PTPRM: variants seen among roughly 807,000 people sequenced by gnomAD.
The protein encoded by PTPRM is protein tyrosine phosphatase receptor type M.
In PTPRM, 47 loss-of-function variants were observed where a neutral mutation model predicts 186.7. The observed-to-expected ratio is 0.25, with a 90% CI of 0.20 to 0.32. The LOEUF (loss-of-function observed/expected upper bound fraction) is 0.32, where lower values mean the gene tolerates loss of function less well. Among genes scored for constraint, PTPRM ranks in the 10% least tolerant of loss-of-function variants. The pLI is 1.00. For missense variants in PTPRM, 1,494 were observed against 1,865.0 expected, an observed-to-expected ratio of 0.80 and a Z score of 3.66; for synonymous variants, 668 against 674.9, an observed-to-expected ratio of 0.99 and a Z score of 0.16.
At chr18:7,782,205 G>A (rs982635051) in intron 2 of PTPRM, among the ~76,000 whole-genome samples, 3 of 152,132 alleles carry the variant, frequency 2.0e-5, no homozygotes, top group African/African-American at 4.8e-5. Flanking sequence ...TTTTCCATGT[G>A]CGTGGACACC....
chr18:7,977,815 C>T (rs1205054476), intron 7 of PTPRM, among the ~76,000 whole-genome samples: 2 of 152,174 alleles, frequency 1.3e-5, no homozygotes, highest in Non-Finnish European at 1.5e-5. Flanking sequence ...GTCTCTGGCC[C>T]AGGAGTCTCC....
At chr18:7,863,880 A>G (rs117807033) in intron 2 of PTPRM, among the ~76,000 whole-genome samples, 7,534 of 152,142 alleles carry the variant, frequency 0.05, 187 homozygotes, top group Middle Eastern at 0.12. Context: ...TGAGTTTTTA[A>G]TGGTCACCAT....
At chr18:7,925,647 G>A (rs1365954720) in intron 4 of PTPRM, among the ~76,000 whole-genome samples, 3 of 152,158 alleles carry the variant, frequency 2.0e-5, no homozygotes, top group Non-Finnish European at 2.9e-5. Context: ...GTCTCTCCCA[G>A]AAAGTATGAT....
intron 14 of PTPRM, among the ~76,000 whole-genome samples, chr18:8,212,793 G>A: frequency 6.6e-6 from 1 of 152,210 alleles, no homozygotes; most frequent in African/African-American, 2.4e-5. Context: ...GTGACAGAGT[G>A]AGACCTGGTT....
chr18:8,122,853 T>A (rs1235019315), intron 13 of PTPRM, among the ~76,000 whole-genome samples: 1 of 152,206 alleles, frequency 6.6e-6, no homozygotes, highest in East Asian at 1.9e-4. Context: ...GTACAATAGT[T>A]GCAGAGCTGA....
chr18:7,781,213 A>C (rs2042838371), intron 2 of PTPRM, among the ~76,000 whole-genome samples: 1 of 152,222 alleles, frequency 6.6e-6, no homozygotes, highest in Admixed American at 6.5e-5. Context: ...GAAATAGAAG[A>C]TATAAATCTT....
Position 7,772,396 on chromosome 18 carries a change from TTTCTTTCTTTCTTTC to T in PTPRM, c.74-1750_74-1736del, listed in dbSNP as rs1344802698. On this transcript the variant is annotated intron_variant, in intron 1 of 32. Coordinates refer to ENST00000580170, the MANE Select transcript of PTPRM (RefSeq NM_001105244.2). ...CTTTCTTTCTTTCTTTCTTTCTTTC[TTTCTTTCTTTCTTTC>T]TTTTCTTTCTTTCTCCCTTCCCCTT... Among the ~76,000 whole-genome samples, 77 of 125,884 alleles carry T rather than the reference TTTCTTTCTTTCTTTC, an allele frequency of 6.1e-4. 1 individual carries two copies. In the Admixed American group the frequency reaches 6.2e-3, roughly 10 times the overall value. 82.6% of individuals were successfully genotyped at this position (125,884 alleles called of 152,430 possible). A position where few individuals can be genotyped will look rare whatever the true frequency, so the allele number is the denominator to read the frequency against.
At chr18:7,851,135 A>G (rs987771409) in intron 2 of PTPRM, among the ~76,000 whole-genome samples, 1 of 152,216 alleles carries the variant, frequency 6.6e-6, no homozygotes, top group Non-Finnish European at 1.5e-5. Context: ...AATTAACCAA[A>G]ATTTCTACAG....
At chr18:7,697,406 A>C (rs1040317542) in intron 1 of PTPRM, among the ~76,000 whole-genome samples, 3 of 152,220 alleles carry the variant, frequency 2.0e-5, no homozygotes, top group Non-Finnish European at 4.4e-5. Flanking sequence ...ACAAGCAAAC[A>C]AACAAACAAG....
At chr18:8,041,608 C>G (rs905539078) in intron 7 of PTPRM, among the ~76,000 whole-genome samples, 1 of 152,158 alleles carries the variant, frequency 6.6e-6, no homozygotes, top group Admixed American at 6.6e-5. Flanking sequence ...GCTGGCCATA[C>G]TATGATTAAG....
rs1417542711 is a variant in PTPRM, at chr18:7,972,205, G to A, written c.1132+16791G>A. 2.3e-3 allele frequency among the ~76,000 whole-genome samples: 304 copies of A among 131,062 alleles called. 5 individuals are homozygous for A. The highest frequency in any genetic ancestry group is 0.01 in the African/African-American group (280 of 27,794). 86.0% of individuals were successfully genotyped at this position (131,062 alleles called of 152,430 possible). On this transcript the variant is annotated intron_variant, in intron 7 of 32. Transcript: ENST00000580170. ...AAACCATCATTCTCAGTAAACTATC[G>A]CAAGAAGAAAAAACCAAACACCGCA...
At chr18:8,030,531 C>A (rs1382561042) in intron 7 of PTPRM, among the ~76,000 whole-genome samples, 1 of 152,150 alleles carries the variant, frequency 6.6e-6, no homozygotes, top group Non-Finnish European at 1.5e-5. Context: ...ATAGTAATAG[C>A]CTGTGGACCT....
intron 14 of PTPRM, among the ~76,000 whole-genome samples, chr18:8,227,184 T>C (rs1459564987): frequency 6.6e-6 from 1 of 152,224 alleles, no homozygotes; most frequent in Non-Finnish European, 1.5e-5. Context: ...ACCAACCTAA[T>C]AAAATATATT....
chr18:7,701,455 CT>C lies in PTPRM; in HGVS notation c.74-72693del, dbSNP rs555182409. 3.9e-4 allele frequency among the ~76,000 whole-genome samples: 59 copies of C among 151,924 alleles called. No individual in the cohort carries two copies. In the East Asian group the frequency reaches 4.7e-3, roughly 12 times the overall value. On this transcript the variant is annotated intron_variant, in intron 1 of 32. Transcript: ENST00000580170. ...CTCTACTAAAAATAAAAAAAAGTAG[CT>C]GGGCGTGGTGGCGCGTGCGTGTAGT...
chr18:8,375,314 C>T (rs2095687989), intron 24 of PTPRM, among the ~76,000 whole-genome samples: 1 of 152,154 alleles, frequency 6.6e-6, no homozygotes, highest in South Asian at 2.1e-4. Flanking sequence ...GCCTGTTTGC[C>T]ACAAGCAGAC....
In PTPRM at chr18:7,955,152, C is replaced by A; in HGVS notation, c.870C>A (p.Leu290=). 2 of 1,611,354 alleles carry A rather than the reference C, an allele frequency of 1.2e-6. No individual in the cohort carries two copies. The highest frequency in any genetic ancestry group is 2.2e-5 in the South Asian group (2 of 91,024). The change falls in exon 7 of 33, where the codon CTC becomes CTA. Residue 290 remains leucine, a synonymous_variant. Coordinates refer to ENST00000580170, the MANE Select transcript of PTPRM (RefSeq NM_001105244.2). ...CCGTTCCTATTGCCCCACCTCAGCTCGCCTCTGTAGGAGCCACCTACCTGT... is the reference window on the plus strand; with the variant it reads ...CCGTTCCTATTGCCCCACCTCAGCTAGCCTCTGTAGGAGCCACCTACCTGT... ...EPPVPIAPPQ[L]ASVGATYLWI...
chr18:7,855,673 T>C (rs1216891118), intron 2 of PTPRM, among the ~76,000 whole-genome samples: 1 of 152,212 alleles, frequency 6.6e-6, no homozygotes, highest in Non-Finnish European at 1.5e-5. Flanking sequence ...ATGAGCTTCT[T>C]GGTAACTAAG....
At chr18:8,109,293 G>C (rs1242295437) in intron 11 of PTPRM, among the ~76,000 whole-genome samples, 1 of 152,176 alleles carries the variant, frequency 6.6e-6, no homozygotes, top group African/African-American at 2.4e-5. Context: ...CTTTGATAAA[G>C]GGGACTAGAA....
At chr18:7,805,481 A>G (rs1471526114) in intron 2 of PTPRM, among the ~76,000 whole-genome samples, 4 of 152,236 alleles carry the variant, frequency 2.6e-5, no homozygotes, top group South Asian at 4.1e-4. Context: ...AGATAAAAAA[A>G]CTTTCTAAAA....
Sources: gnomAD v4.1 joint callset for allele counts (sites outside exome capture counted in the v4.1 genomes callset) on GRCh38, gnomAD v4.1.1 for gene constraint, MANE v1.5 for transcripts, NCBI Gene and HGNC (gene_info 2026-07-23, HGNC 2026-07-21) for gene names.